Variants in GRM8 observed in about 807,000 individuals in gnomAD.
GRM8 encodes the protein metabotropic glutamate receptor 8.
In GRM8, 47 loss-of-function variants were observed where a neutral mutation model predicts 87.2. The ratio of observed to expected loss-of-function variants is 0.54; its 90% confidence interval spans 0.43 to 0.69. The LOEUF (loss-of-function observed/expected upper bound fraction) is 0.69. GRM8 is among the 30% of genes least tolerant of loss of function. GRM8 has a pLI of 0.00. For synonymous variants in GRM8, 396 were observed against 404.5 expected (o/e 0.98, Z 0.25); for missense variants, 1,019 against 1,139.2 (o/e 0.89, Z 1.52).
chr7:126,506,392 T>C (rs1291569908), intron 9 of GRM8, among the ~76,000 whole-genome samples: 1 of 152,082 alleles, frequency 6.6e-6, no homozygotes, highest in Non-Finnish European at 1.5e-5. Flanking sequence ...CTTCACGATG[T>C]GGACATTAGA....
chr7:126,819,367 T>C (rs1252175814), intron 6 of GRM8, among the ~76,000 whole-genome samples: 1 of 151,824 alleles, frequency 6.6e-6, no homozygotes, highest in Non-Finnish European at 1.5e-5. Context: ...TTAATAACCT[T>C]TGAAACCACA....
intron 3 of GRM8, among the ~76,000 whole-genome samples, chr7:127,007,148 G>A (rs1308564603): frequency 1.3e-5 from 2 of 151,820 alleles, no homozygotes; most frequent in Non-Finnish European, 2.9e-5. Flanking sequence ...TTCTTTCAGG[G>A]CCATTATTTT....
chr7:127,186,937 G>A lies in GRM8; in HGVS notation c.510+55758C>T, dbSNP rs796362719. 3.9e-5 allele frequency among the ~76,000 whole-genome samples: 6 copies of A among 152,264 alleles called. No homozygotes were observed. The South Asian group carries it at 1.2e-3, about 32-fold the overall frequency. ...ACCTCATGTGGGAAGTGTTTCATGAGGTGAGGGATCTGAGAAATAAAGGAA... is the reference window on the plus strand; with the variant it reads ...ACCTCATGTGGGAAGTGTTTCATGAAGTGAGGGATCTGAGAAATAAAGGAA... On this transcript the variant is annotated intron_variant, in intron 2 of 10. Transcript: ENST00000339582.
chr7:127,131,705 G>A (rs1264349958), intron 2 of GRM8, among the ~76,000 whole-genome samples: 1 of 151,480 alleles, frequency 6.6e-6, no homozygotes. Context: ...TCATTTCTGT[G>A]TTTTTTTTCA....
At chr7:127,131,196 A>C (rs182872879) in intron 2 of GRM8, among the ~76,000 whole-genome samples, 3 of 152,188 alleles carry the variant, frequency 2.0e-5, no homozygotes, top group African/African-American at 7.2e-5. Flanking sequence ...AAAATTTTTT[A>C]ATCAACTTCT....
intron 3 of GRM8, among the ~76,000 whole-genome samples, chr7:126,999,471 G>C (rs10260443): frequency 6.6e-6 from 1 of 151,336 alleles, no homozygotes; most frequent in Non-Finnish European, 1.5e-5. Flanking sequence ...AATAGGAGAA[G>C]ATATTTATAA....
chr7:126,717,513 G>A (rs1352977393), intron 7 of GRM8, among the ~76,000 whole-genome samples: 1 of 152,088 alleles, frequency 6.6e-6, no homozygotes, highest in Non-Finnish European at 1.5e-5. Context: ...TACAACTATG[G>A]ACAAAGCTTC....
chr7:126,826,563 G>C (rs1251706283), intron 6 of GRM8, among the ~76,000 whole-genome samples: 1 of 151,994 alleles, frequency 6.6e-6, no homozygotes, highest in Non-Finnish European at 1.5e-5. Context: ...TTTTTGATGG[G>C]GTTGTTTTTT....
intron 2 of GRM8, among the ~76,000 whole-genome samples, chr7:127,216,525 A>C (rs2116674970): frequency 6.6e-6 from 1 of 150,884 alleles, no homozygotes; most frequent in East Asian, 1.9e-4. Flanking sequence ...CTCAAAAAAA[A>C]AAAAAAAAAC....
chr7:127,057,821 C>G lies in GRM8; in HGVS notation c.727+48675G>C, dbSNP rs930705726. On this transcript the variant is annotated intron_variant, in intron 3 of 10. Transcript: ENST00000339582. ...AGCTCATATCCCACAAAAAAAAAAA[C>G]CTAATATAGGGAAAACTTGTGATAG... Among the ~76,000 whole-genome samples, 3 of 148,504 alleles carry G rather than the reference C, an allele frequency of 2.0e-5. No individual in the cohort carries two copies. In the South Asian group the frequency reaches 6.4e-4, roughly 32 times the overall value.
intron 3 of GRM8, among the ~76,000 whole-genome samples, chr7:127,029,355 G>T (rs544642024): frequency 2.6e-5 from 4 of 152,284 alleles, no homozygotes; most frequent in African/African-American, 9.6e-5. Flanking sequence ...AGGTCTGCTT[G>T]GCGCAGAGCT....
Position 127,249,240 on chromosome 7 carries a change from G to A in GRM8, c.-312+3557C>T, listed in dbSNP as rs1120908. Among the ~76,000 whole-genome samples the A allele has an allele frequency of 1.7e-3, 265 of 152,028 alleles. 2 individuals carry two copies. The highest frequency in any genetic ancestry group is 6.1e-3 in the African/African-American group (252 of 41,424). ...CACCTCCTGCCCTGCCCTGCCCTGC[G>A]CTGACCTCCCCAGAACTAGGTCTCT... On this transcript the variant is annotated intron_variant, in intron 1 of 10. Transcript: ENST00000339582.
rs550686729 is a variant in GRM8 at position 127,006,615 on chromosome 7, G to A, written c.727+99881C>T. ...AAGAGTATTAACTTAATGGAGAATA[G>A]CATTGTTGTCAAACACTAGCTTTGC... On this transcript the variant is annotated intron_variant, in intron 3 of 10. Transcript: ENST00000339582. 9.9e-5 allele frequency among the ~76,000 whole-genome samples: 15 copies of A among 152,126 alleles called. No individual in the cohort carries two copies. In the South Asian group the frequency reaches 3.1e-3, roughly 32 times the overall value.
intron 6 of GRM8, among the ~76,000 whole-genome samples, chr7:126,783,254 C>G (rs2151645229): frequency 6.6e-6 from 1 of 152,290 alleles, no homozygotes; most frequent in South Asian, 2.1e-4. Context: ...TGGGGCTAAT[C>G]TGGTACCCAA....
chr7:126,914,268 A>C (rs1228740574), intron 3 of GRM8, among the ~76,000 whole-genome samples: 2 of 152,236 alleles, frequency 1.3e-5, no homozygotes, highest in Non-Finnish European at 2.9e-5. Flanking sequence ...AAGTCAAAAA[A>C]TAACATGTTG....
intron 6 of GRM8, among the ~76,000 whole-genome samples, chr7:126,872,208 G>T (rs1477750926): frequency 6.6e-6 from 1 of 152,080 alleles, no homozygotes; most frequent in Non-Finnish European, 1.5e-5. Context: ...TTATTTTTGA[G>T]GATGAGCAAA....
rs199723322 is a variant in GRM8, at chr7:126,586,441, T to C, written c.1494+22921A>G. On this transcript the variant is annotated intron_variant, in intron 8 of 10. Coordinates refer to ENST00000339582, the MANE Select transcript of GRM8 (RefSeq NM_000845.3). The stretch of plus-strand genomic sequence containing the variant: ...CTGACTTCAAACTATACTACAAGGC[T>C]ATAGTAACCAAAACAGCATGGTACT... 1.4e-4 allele frequency among the ~76,000 whole-genome samples: 21 copies of C among 152,330 alleles called. No individual in the cohort carries two copies. The East Asian group carries it at 4.0e-3, about 29-fold the overall frequency.
intron 3 of GRM8, among the ~76,000 whole-genome samples, chr7:126,952,022 AAAAG>A (rs60996892): frequency 8.0e-5 from 12 of 150,336 alleles, no homozygotes; most frequent in East Asian, 2.0e-4. Context: ...TGATTTAAAA[AAAAG>A]AAAGAAAGAA....
At chr7:126,440,710 A>T (rs1489765824) in intron 10 of GRM8, among the ~76,000 whole-genome samples, 1 of 152,072 alleles carries the variant, frequency 6.6e-6, no homozygotes, top group Admixed American at 6.6e-5. Flanking sequence ...GCTACACCAT[A>T]TTGCCTGGGT....
Sources: allele counts gnomAD v4.1 joint callset (sites outside exome capture counted in the v4.1 genomes callset), GRCh38; gene constraint gnomAD v4.1.1; transcripts MANE v1.5; gene names NCBI Gene and HGNC (gene_info 2026-07-23, HGNC 2026-07-21).